DOT1L: variants seen among roughly 807,000 people sequenced by gnomAD.
DOT1L encodes the protein histone-lysine N-methyltransferase, H3 lysine-79 specific.
Under a neutral mutation model 153.3 loss-of-function variants are expected in DOT1L, and 33 were observed. The observed-to-expected ratio is 0.22, with a 90% CI of 0.16 to 0.29. DOT1L has a LOEUF of 0.29. Ranked by LOEUF, DOT1L falls within the 10% of genes least tolerant of loss-of-function variation. The pLI is 1.00. For missense variants in DOT1L, 1,847 were observed against 2,119.9 expected, an observed-to-expected ratio of 0.87 and a Z score of 2.53; for synonymous variants, 1,135 against 965.1, an observed-to-expected ratio of 1.18 and a Z score of -3.26.
At chr19:2,180,519 A>G (rs892266911) in intron 1 of DOT1L, among the ~76,000 whole-genome samples, 194 bp from the exon 2 acceptor site, 1 of 152,046 alleles carries the variant, frequency 6.6e-6, no homozygotes, top group Admixed American at 6.6e-5. Flanking sequence ...GGTCCCCGGC[A>G]AGGTCTGTGT....
chr19:2,196,977 G>A (rs1386994231), intron 7 of DOT1L, among the ~76,000 whole-genome samples: 2 of 152,152 alleles, frequency 1.3e-5, no homozygotes, highest in Non-Finnish European at 2.9e-5. Flanking sequence ...TCCTCACCCC[G>A]TTGCTGTGAT....
Position 2,193,097 on chromosome 19 carries a change from G to GT in DOT1L, c.494-591dup, listed in dbSNP as rs1192207404. On this transcript the variant is annotated intron_variant, in intron 5 of 27. Transcript: ENST00000398665. This position sits in a 1 kb window ranked among gnomAD's most constrained non-coding sequence, Gnocchi z 5.9. Reference sequence around the variant, plus strand: ...CTGCCTCCACCCTCCTGACGCTGGCGTATCTGCAGCCCCTGTTCCCTCCTT... The same window carrying GT: ...CTGCCTCCACCCTCCTGACGCTGGCGTTATCTGCAGCCCCTGTTCCCTCCTT... 6.6e-6 allele frequency among the ~76,000 whole-genome samples: 1 copy of GT among 152,180 alleles called. No individual in the cohort carries two copies. The highest frequency in any genetic ancestry group is 1.5e-5 in the Non-Finnish European group (1 of 68,036).
At chr19:2,180,850 T>C in intron 2 of DOT1L, 94 bp downstream of exon 2, 1 of 1,477,126 alleles carries the variant, frequency 6.8e-7, no homozygotes, top group South Asian at 1.2e-5. Context: ...GGATGGCTCC[T>C]GCAGGGGTGG....
At chr19:2,227,927 TCCCCCGCTG>T in intron 27 of DOT1L, 19 of 924,632 alleles carry the variant, frequency 2.1e-5, no homozygotes, top group Non-Finnish European at 2.3e-5. Context: ...CGCCTCCGCC[TCCCCCGCTG>T]CCCCCGCCTG....
intron 1 of DOT1L, among the ~76,000 whole-genome samples, chr19:2,180,291 G>A (rs1159121749): frequency 2.0e-5 from 3 of 152,224 alleles, no homozygotes; most frequent in South Asian, 4.1e-4. Context: ...GAGCAGCGTC[G>A]GGAGAATTCC....
In DOT1L at chr19:2,163,976, A is replaced by G. The variant is rs1462988507; in HGVS notation, c.-209A>G. 6.7e-6 allele frequency among the ~76,000 whole-genome samples: 1 copy of G among 149,466 alleles called. No individual in the cohort carries two copies. Among genetic ancestry groups the G allele is most frequent in the Non-Finnish European group, 1.5e-5 (1 of 66,918 alleles). Reference sequence around the variant, plus strand: ...CGGCCCAAGATGGCGGAGGCGCTGGAGGCCCCGGGCCTGTGACTACAAAGA... The same window carrying G: ...CGGCCCAAGATGGCGGAGGCGCTGGGGGCCCCGGGCCTGTGACTACAAAGA... On this transcript the variant is annotated 5_prime_UTR_variant, in exon 1 of 28. Coordinates refer to ENST00000398665, the MANE Select transcript of DOT1L (RefSeq NM_032482.3).
intron 1 of DOT1L, among the ~76,000 whole-genome samples, chr19:2,166,256 C>G (rs1387706132): frequency 1.3e-5 from 2 of 150,848 alleles, no homozygotes; most frequent in African/African-American, 4.9e-5. Flanking sequence ...GCCACCACAC[C>G]CTGCTAATTT....
chr19:2,229,695 G>T, intron 27 of DOT1L, 90 bp from the exon 28 acceptor site: 1 of 1,607,390 alleles, frequency 6.2e-7, no homozygotes. Context: ...GTGCTCGTGG[G>T]AGGCCTCGGT....
In DOT1L at chr19:2,226,292, G is replaced by C. The variant is rs544855720; in HGVS notation, c.3771G>C (p.Ala1257=). 1 of 1,597,280 alleles carries C rather than the reference G, an allele frequency of 6.3e-7. No individual in the cohort carries two copies. The highest frequency in any genetic ancestry group is 1.7e-5 in the Admixed American group (1 of 58,652). ...CCGACATCGGCCTGGCCAAGTCGGCGGACAGCCCGCTGCAGGCCAGCTCCG... is the reference window on the plus strand; with the variant it reads ...CCGACATCGGCCTGGCCAAGTCGGCCGACAGCCCGCTGCAGGCCAGCTCCG... ...PISDIGLAKS[A]DSPLQASSAL... Residue 1257 remains alanine (A), a synonymous_variant, in exon 27 of 28, where the codon GCG becomes GCC. Transcript: ENST00000398665.
In DOT1L at chr19:2,190,152, G is replaced by T. The variant is rs576294674; in HGVS notation, c.264+357G>T. Among the ~76,000 whole-genome samples the T allele has an allele frequency of 1.3e-5, 2 of 152,178 alleles. No individual in the cohort carries two copies. The highest frequency in any genetic ancestry group is 4.1e-4 in the South Asian group (2 of 4,830). ...TGTGTGAATGCCGGCCTTCCCCCTTGGACCTCCCCCACACCGCCTGCCTTC... is the reference window on the plus strand; with the variant it reads ...TGTGTGAATGCCGGCCTTCCCCCTTTGACCTCCCCCACACCGCCTGCCTTC... On this transcript the variant is annotated intron_variant, in intron 4 of 27. Transcript: ENST00000398665. This position sits in a 1 kb window ranked among gnomAD's most constrained non-coding sequence, Gnocchi z 4.8.
intron 14 of DOT1L, 44 bp from the exon 15 acceptor site, chr19:2,211,055 C>T (rs1290254242): frequency 1.9e-6 from 3 of 1,584,036 alleles, no homozygotes; most frequent in Non-Finnish European, 1.7e-6. Flanking sequence ...GCCCACCGCT[C>T]TCCCGACCCG....
Position 2,227,067 on chromosome 19 carries a change from A to C in DOT1L, c.4546A>C (p.Arg1516=), listed in dbSNP as rs749101875. ...GLVHVSSAAT[R]LTNSHAMGSF... ...GGTGCACGTGTCGTCCGCTGCCACC[A>C]GACTGACCAACTCGCACGCCATGGG... Residue 1516 remains arginine, a synonymous_variant, in exon 27 of 28, where the codon AGA becomes CGA. Coordinates refer to ENST00000398665, the MANE Select transcript of DOT1L (RefSeq NM_032482.3). 1.3e-6 allele frequency: 2 copies of C among 1,570,948 alleles called. No individual in the cohort carries two copies. Among genetic ancestry groups the C allele is most frequent in the Admixed American group, 1.8e-5 (1 of 56,792 alleles).
At chr19:2,219,557 G>A (rs971063949) in intron 22 of DOT1L, among the ~76,000 whole-genome samples, 6 of 152,214 alleles carry the variant, frequency 3.9e-5, no homozygotes, top group Admixed American at 1.3e-4. Flanking sequence ...ATTGTGAATC[G>A]TTCTGCTGTG....
chr19:2,222,076 C>T lies in DOT1L; in HGVS notation c.2907C>T (p.Ser969=), dbSNP rs767536190. The change falls in exon 24 of 28, where the codon TCC becomes TCT. Residue 969 remains serine, a synonymous_variant. Coordinates refer to ENST00000398665, the MANE Select transcript of DOT1L (RefSeq NM_032482.3). The surrounding 1 kb of genome is among the most constrained non-coding windows in gnomAD (Gnocchi z 6.5). ...GAEPATLDES[S]SSGSLFATVG... Reference sequence around the variant, plus strand: ...AGCCGGCCACCTTGGATGAGTCCTCCAGCTCTGGGAGCCTTTTTGCCACCG... The same window carrying T: ...AGCCGGCCACCTTGGATGAGTCCTCTAGCTCTGGGAGCCTTTTTGCCACCG... 1.2e-6 allele frequency: 2 copies of T among 1,613,436 alleles called. No individual in the cohort carries two copies. The highest frequency in any genetic ancestry group is 1.7e-6 in the Non-Finnish European group (2 of 1,179,906).
chr19:2,229,733 C>T (rs2144961867), intron 27 of DOT1L, 52 bp from the exon 28 acceptor site: 1 of 1,611,888 alleles, frequency 6.2e-7, no homozygotes. Flanking sequence ...GTTGGGCTCC[C>T]CCAGGCGCGA....
chr19:2,180,239 T>A (rs1465807954), intron 1 of DOT1L, among the ~76,000 whole-genome samples: 1 of 152,136 alleles, frequency 6.6e-6, no homozygotes, highest in Non-Finnish European at 1.5e-5. Flanking sequence ...ACCAGGCCTT[T>A]GCCAACGCAG....
At chr19:2,178,756 G>A (rs1304485024) in intron 1 of DOT1L, among the ~76,000 whole-genome samples, 4 of 81,026 alleles carry the variant, frequency 4.9e-5, no homozygotes, top group Non-Finnish European at 1.2e-4. Context: ...TAGTAGAGAC[G>A]GGGTTTCACC....
chr19:2,203,565 C>T (rs1390204543), intron 9 of DOT1L, among the ~76,000 whole-genome samples: 2 of 152,216 alleles, frequency 1.3e-5, no homozygotes, highest in Non-Finnish European at 2.9e-5. Flanking sequence ...AGAAAGGTCA[C>T]CAGGCCCATG....
intron 1 of DOT1L, among the ~76,000 whole-genome samples, chr19:2,178,677 T>TC (rs2022078271): frequency 6.6e-6 from 1 of 151,958 alleles, no homozygotes; most frequent in Admixed American, 6.6e-5. Context: ...TCAGCTGGCC[T>TC]CCCAGAGTGC....
Sources: gnomAD v4.1 joint callset for allele counts (sites outside exome capture counted in the v4.1 genomes callset) on GRCh38, gnomAD v4.1.1 for gene constraint, Gnocchi (gnomAD v3.1) non-coding constraint, MANE v1.5 for transcripts, NCBI Gene and HGNC (gene_info 2026-07-23, HGNC 2026-07-21) for gene names.